The following TBC1D1 variants were observed in gnomAD, a reference collection of about 807,000 sequenced individuals.
TBC1D1 encodes TBC1 domain family member 1.
In TBC1D1, 89 loss-of-function variants were observed where a neutral mutation model predicts 125.6. That is an observed-to-expected ratio of 0.71 (90% confidence interval 0.60 to 0.85). The LOEUF is 0.85. TBC1D1 is among the 40% of genes least tolerant of loss of function. TBC1D1 has a pLI of 0.00. For missense variants in TBC1D1, 1,377 were observed against 1,469.2 expected, an observed-to-expected ratio of 0.94 and a Z score of 1.03; for synonymous variants, 565 against 564.1, an observed-to-expected ratio of 1.00 and a Z score of -0.02.
chr4:38,008,171 T>G (rs943851613), intron 2 of TBC1D1, among the ~76,000 whole-genome samples: 2 of 152,218 alleles, frequency 1.3e-5, no homozygotes, highest in Non-Finnish European at 2.9e-5. Flanking sequence ...ATGAAGTCTA[T>G]CTATATTTAT....
At position 38,057,819 on chromosome 4, in the gene TBC1D1, A is replaced by T. The variant is rs543041600; in HGVS notation, c.2050+3481A>T. On this transcript the variant is annotated intron_variant, in intron 12 of 19. Transcript: ENST00000261439. ...GGAGTGGCTTAAATCACTTTCCCCAAACCAGGGAGTTAGTGGGAGCCAGAG... is the reference window on the plus strand; with the variant it reads ...GGAGTGGCTTAAATCACTTTCCCCATACCAGGGAGTTAGTGGGAGCCAGAG... Among the ~76,000 whole-genome samples the T allele has an allele frequency of 2.0e-5, 3 of 152,318 alleles. No individual in the cohort carries two copies. In the East Asian group the frequency reaches 5.8e-4, roughly 29 times the overall value.
At chr4:38,082,667 CCA>C (rs1433064415) in intron 12 of TBC1D1, among the ~76,000 whole-genome samples, 1 of 152,182 alleles carries the variant, frequency 6.6e-6, no homozygotes, top group Non-Finnish European at 1.5e-5. Context: ...TGTAGACCTC[CCA>C]TTTAGAGCCA....
intron 12 of TBC1D1, among the ~76,000 whole-genome samples, chr4:38,084,631 T>C (rs554443972): frequency 6.6e-6 from 1 of 152,388 alleles, no homozygotes; most frequent in South Asian, 2.1e-4. Context: ...TTGTTAACTT[T>C]TCTCCAGAGA....
chr4:38,028,418 C>T (rs186311193), intron 7 of TBC1D1, among the ~76,000 whole-genome samples: 76 of 152,344 alleles, frequency 5.0e-4, no homozygotes, highest in African/African-American at 1.8e-3. Flanking sequence ...CCTGCCTTGG[C>T]CTCCCAAAGT....
intron 2 of TBC1D1, among the ~76,000 whole-genome samples, chr4:37,993,771 G>T (rs543602642): frequency 6.6e-6 from 1 of 152,098 alleles, no homozygotes; most frequent in Non-Finnish European, 1.5e-5. Context: ...TAGTAGAGAC[G>T]GGGTTTCACC....
intron 2 of TBC1D1, among the ~76,000 whole-genome samples, chr4:37,972,460 A>T (rs182089664): frequency 6.5e-4 from 98 of 150,496 alleles, no homozygotes; most frequent in African/African-American, 2.3e-3. Flanking sequence ...CAGCCTGGGC[A>T]ACAAAAGGGA....
At chr4:37,961,087 A>C in intron 2 of TBC1D1, 2 of 1,561,850 alleles carry the variant, frequency 1.3e-6, no homozygotes, top group Non-Finnish European at 1.8e-6. Context: ...GTATTAATAA[A>C]GCATTATTTG....
chr4:38,078,813 C>T (rs1471084766), intron 12 of TBC1D1, among the ~76,000 whole-genome samples: 1 of 152,250 alleles, frequency 6.6e-6, no homozygotes, highest in Non-Finnish European at 1.5e-5. Context: ...CCATTCTCCA[C>T]TCCCTGGCTT....
Position 38,014,564 on chromosome 4 carries a change from A to T in TBC1D1, c.473A>T (p.Glu158Val). ...GCGGGGAAGATCGCCCGGCAGGAGG[A>T]GCTGCACTGCCCGTCCGAGTTCGAC... is the stretch of plus-strand genomic sequence containing the variant. The change falls in exon 3 of 20, where the codon GAG becomes GTG. Residue 158 changes from glutamate to valine, a missense_variant. Around this residue, in one of 3 missense-constraint regions of TBC1D1, gnomAD observed 822 missense variants for 824.6 expected, o/e 1.00. Transcript: ENST00000261439. The surrounding 1 kb of genome is among the most constrained non-coding windows in gnomAD (Gnocchi z 5.1). 1 of 1,613,298 alleles carries T rather than the reference A, an allele frequency of 6.2e-7. No homozygotes were observed.
intron 2 of TBC1D1, among the ~76,000 whole-genome samples, chr4:37,956,298 C>T (rs552239765): frequency 2.9e-4 from 44 of 152,300 alleles, no homozygotes; most frequent in Non-Finnish European, 5.6e-4. Flanking sequence ...AGACTACAGG[C>T]ATGAGCCACC....
At chr4:38,134,577 A>G (rs1766161898) in intron 19 of TBC1D1, among the ~76,000 whole-genome samples, 1 of 152,202 alleles carries the variant, frequency 6.6e-6, no homozygotes. Context: ...GGTCCCTGAA[A>G]TATAACATGG....
chr4:38,117,947 C>T, intron 16 of TBC1D1, 86 bp from the exon 19 acceptor site: 3 of 1,266,834 alleles, frequency 2.4e-6, no homozygotes, highest in African/African-American at 1.5e-5. Context: ...TAAGTCTTCT[C>T]TTACACCCAC....
intron 2 of TBC1D1, among the ~76,000 whole-genome samples, chr4:37,978,648 A>G (rs747969063): frequency 5.6e-5 from 8 of 142,704 alleles, no homozygotes; most frequent in African/African-American, 7.8e-5. Context: ...TTTTAGGTAG[A>G]TTTTCTTACT....
intron 8 of TBC1D1, among the ~76,000 whole-genome samples, chr4:38,042,762 A>G (rs1287298197): frequency 6.6e-6 from 1 of 152,076 alleles, no homozygotes; most frequent in Non-Finnish European, 1.5e-5. Context: ...ACTGTTCTCA[A>G]CCCCTGGCAA....
chr4:38,080,367 T>C (rs1355352514), intron 12 of TBC1D1, among the ~76,000 whole-genome samples: 1 of 152,200 alleles, frequency 6.6e-6, no homozygotes, highest in Non-Finnish European at 1.5e-5. Flanking sequence ...CTCCATGTGG[T>C]TACTGCCCAT....
chr4:38,083,476 A>G (rs966440129), intron 12 of TBC1D1, among the ~76,000 whole-genome samples: 1 of 152,206 alleles, frequency 6.6e-6, no homozygotes, highest in African/African-American at 2.4e-5. Flanking sequence ...TTCTTCCAGA[A>G]CCACCCCACT....
intron 2 of TBC1D1, among the ~76,000 whole-genome samples, chr4:37,983,437 G>A (rs1356144101): frequency 2.0e-5 from 3 of 152,176 alleles, no homozygotes; most frequent in Admixed American, 1.3e-4. Context: ...TCTTATAGCT[G>A]TGTATTTCAT....
At chr4:38,102,857 G>A in intron 14 of TBC1D1, 142 bp from the exon 17 acceptor site, 1 of 922,182 alleles carries the variant, frequency 1.1e-6, no homozygotes, top group Admixed American at 2.9e-5. Flanking sequence ...CTGCAGCTCG[G>A]GTGACAAAGC....
intron 2 of TBC1D1, among the ~76,000 whole-genome samples, chr4:37,931,964 T>C (rs1723355919): frequency 2.0e-5 from 3 of 152,070 alleles, no homozygotes; most frequent in Admixed American, 2.0e-4. Context: ...AAAACCCTTC[T>C]ATTCTGTATC....
Sources: allele counts gnomAD v4.1 joint callset (sites outside exome capture counted in the v4.1 genomes callset), GRCh38; gene constraint gnomAD v4.1.1; regional missense constraint gnomAD v4.1.1; non-coding constraint Gnocchi (gnomAD v3.1); transcripts MANE v1.5; gene names NCBI Gene and HGNC (gene_info 2026-07-23, HGNC 2026-07-21).